Variants in ECE1 observed in about 807,000 individuals in gnomAD.
ECE1 encodes endothelin-converting enzyme 1.
A neutral mutation model predicts 98.6 loss-of-function variants in ECE1; 35 were observed. That is an observed-to-expected ratio of 0.35 (90% CI 0.27 to 0.47). The LOEUF is 0.47. ECE1 is among the 20% of genes least tolerant of loss of function. The probability of loss-of-function intolerance (pLI) is 1.00; values close to 1 mark genes in which losing one functional copy is unlikely to be tolerated. For synonymous variants in ECE1, 394 were observed against 407.1 expected (o/e 0.97, Z 0.39); for missense variants, 814 against 1,025.3 (o/e 0.79, Z 2.81).
At chr1:21,247,990 T>A (rs1294389270) in intron 8 of ECE1, among the ~76,000 whole-genome samples, 1 of 152,210 alleles carries the variant, frequency 6.6e-6, no homozygotes, top group Non-Finnish European at 1.5e-5. Flanking sequence ...ATTCTGTAAG[T>A]AACATCAGTG....
Position 21,319,806 on chromosome 1 carries a change from C to G in ECE1, c.3+25570G>C, listed in dbSNP as rs1253654483. Among the ~76,000 whole-genome samples, 2 of 152,180 alleles carry G rather than the reference C, an allele frequency of 1.3e-5. No homozygotes were observed. Among genetic ancestry groups the G allele is most frequent in the Admixed American group, 6.5e-5 (1 of 15,274 alleles). ...GGTGTTTACATTAGTTCAGCTGAGA[C>G]AGGCTGAACAAACACACGCGGTCCC... is the stretch of plus-strand genomic sequence containing the variant. On this transcript the variant is annotated intron_variant, in intron 1 of 18. Coordinates refer to the ECE1 transcript ENST00000415912. This position sits in a 1 kb window ranked among gnomAD's most constrained non-coding sequence, Gnocchi z 4.4.
chr1:21,268,909 T>C (rs1490710562), intron 4 of ECE1, among the ~76,000 whole-genome samples: 1 of 152,226 alleles, frequency 6.6e-6, no homozygotes, highest in Non-Finnish European at 1.5e-5. Flanking sequence ...AGGGGCCATT[T>C]CCAGACTAGT....
rs1395379365 is a variant in ECE1 at position 21,219,993 on chromosome 1, A to C, written c.2275T>G (p.Ser759Ala). ...CACTTGTGAGGCGGGTTCATGGGTG[A>C]GCCAGGTGGGCAGCGGAAGTGTTCT... ...FSEHFRCPPG[S>A]PMNPPHKCEV... is the part of the protein sequence containing the mutation. Residue 759 changes from serine to alanine, a missense_variant, in exon 19 of 19, where the codon TCA becomes GCA. Coordinates refer to ENST00000374893, the MANE Select transcript of ECE1 (RefSeq NM_001397.3). The surrounding 1 kb of genome is among the most constrained non-coding windows in gnomAD (Gnocchi z 4.5). The C allele has an allele frequency of 6.2e-7, 1 of 1,614,206 alleles. No individual in the cohort carries two copies. The highest frequency in any genetic ancestry group is 8.5e-7 in the Non-Finnish European group (1 of 1,180,040).
chr1:21,232,735 G>A (rs568577742), intron 14 of ECE1, among the ~76,000 whole-genome samples: 3 of 150,060 alleles, frequency 2.0e-5, no homozygotes, highest in South Asian at 2.1e-4. Flanking sequence ...GCAGTGGCAC[G>A]ATCTCGGCTC....
chr1:21,342,663 C>T (rs917750857), intron 1 of ECE1, among the ~76,000 whole-genome samples: 3 of 151,678 alleles, frequency 2.0e-5, no homozygotes, highest in Non-Finnish European at 2.9e-5. Flanking sequence ...GCAAACGCGC[C>T]GCATTAGGAA....
chr1:21,273,053 C>A, intron 3 of ECE1, 142 bp from the exon 4 acceptor site: 5 of 828,268 alleles, frequency 6.0e-6, no homozygotes. Flanking sequence ...GGTCACTAGA[C>A]CCCTACAGAG....
intron 10 of ECE1, among the ~76,000 whole-genome samples, chr1:21,243,246 A>G (rs1170769291): frequency 1.3e-5 from 2 of 152,220 alleles, no homozygotes; most frequent in African/African-American, 4.8e-5. Flanking sequence ...CATAATGCCT[A>G]TAAAAGGTAG....
chr1:21,243,538 G>A (rs550574938), intron 10 of ECE1, among the ~76,000 whole-genome samples: 7 of 152,088 alleles, frequency 4.6e-5, no homozygotes, highest in African/African-American at 1.7e-4. Flanking sequence ...TTCTTGCTGG[G>A]TGACTATGAA....
intron 4 of ECE1, among the ~76,000 whole-genome samples, chr1:21,267,777 A>G (rs2098235756): frequency 6.6e-6 from 1 of 152,236 alleles, no homozygotes; most frequent in East Asian, 1.9e-4. Context: ...CTGTCCATAG[A>G]TGGCTTCCTT....
rs900764527 is a variant in ECE1, at chr1:21,319,727, G to A, written c.3+25649C>T. Among the ~76,000 whole-genome samples, 12 of 152,154 alleles carry A rather than the reference G, an allele frequency of 7.9e-5. No homozygotes were observed. Among genetic ancestry groups the A allele is most frequent in the African/African-American group, 2.4e-4 (10 of 41,440 alleles). On this transcript the variant is annotated intron_variant, in intron 1 of 18. Coordinates refer to the ECE1 transcript ENST00000415912. The surrounding 1 kb of genome is among the most constrained non-coding windows in gnomAD (Gnocchi z 4.4). ...CTCCCTACCAGGCACCGGGAGGCAC[G>A]GCTCACTGTTCCCTAGTTTGTCTTG...
Position 21,225,614 on chromosome 1 carries a change from A to T in ECE1, c.1850-174T>A, listed in dbSNP as rs1365324815. Among the ~76,000 whole-genome samples the T allele has an allele frequency of 6.6e-6, 1 of 151,688 alleles. No individual in the cohort carries two copies. The highest frequency in any genetic ancestry group is 1.5e-5 in the Non-Finnish European group (1 of 67,980). On this transcript the variant is annotated intron_variant, in intron 16 of 18. Coordinates refer to ENST00000374893, the MANE Select transcript of ECE1 (RefSeq NM_001397.3). The surrounding 1 kb of genome is among the most constrained non-coding windows in gnomAD (Gnocchi z 5.3). ...GGACGTGGATGTGGTGGCCAGTCAG[A>T]GGCGGGAGAGGATGAAGGAGAGAAA...
At chr1:21,256,269 C>T (rs935476379) in intron 7 of ECE1, 131 bp from the exon 8 acceptor site, 9 of 1,063,838 alleles carry the variant, frequency 8.5e-6, no homozygotes, top group South Asian at 3.3e-5. Context: ...CCAAGACACC[C>T]GTGGGGCCAG....
chr1:21,235,074 T>TG lies in ECE1; in HGVS notation c.1566+775dup, dbSNP rs2098186346. 1.3e-5 allele frequency among the ~76,000 whole-genome samples: 2 copies of TG among 152,142 alleles called. No individual in the cohort carries two copies. Among genetic ancestry groups the TG allele is most frequent in the African/African-American group, 4.8e-5 (2 of 41,426 alleles). On this transcript the variant is annotated intron_variant, in intron 13 of 18. Coordinates refer to ENST00000374893, the MANE Select transcript of ECE1 (RefSeq NM_001397.3). The surrounding 1 kb of genome is among the most constrained non-coding windows in gnomAD (Gnocchi z 4.2). ...GGTGGCTCATGAATATGAGCCAGCC[T>TG]GGGAGGCGGAGGTTGCAGTGAGCTG...
chr1:21,239,209 C>T (rs576740672), intron 10 of ECE1, among the ~76,000 whole-genome samples: 2 of 152,312 alleles, frequency 1.3e-5, no homozygotes, highest in Admixed American at 1.3e-4. Flanking sequence ...CCCCTCTGTG[C>T]AAACCGGAAA....
At chr1:21,273,338 CGTGTGTGCGTGTGTGTGT>C (rs138627128) in intron 3 of ECE1, among the ~76,000 whole-genome samples, 17,306 of 122,278 alleles carry the variant, frequency 0.14, 1,278 homozygotes, top group African/African-American at 0.25. Context: ...TGTGCCCGTG[CGTGTGTGCGTGTGTGTGT>C]GTGTGTGTGT....
Position 21,235,198 on chromosome 1 carries a change from G to T in ECE1, c.1566+652C>A, listed in dbSNP as rs1174642631. Among the ~76,000 whole-genome samples the T allele has an allele frequency of 6.6e-6, 1 of 152,138 alleles. No individual in the cohort carries two copies. Among genetic ancestry groups the T allele is most frequent in the East Asian group, 1.9e-4 (1 of 5,188 alleles). On this transcript the variant is annotated intron_variant, in intron 13 of 18. Coordinates refer to ENST00000374893, the MANE Select transcript of ECE1 (RefSeq NM_001397.3). This position sits in a 1 kb window ranked among gnomAD's most constrained non-coding sequence, Gnocchi z 4.2. Reference sequence around the variant, plus strand: ...CTGAATTCAAGTATTTCAATCACAAGAAGATATAAAACTTCATAATTTGAG... The same window carrying T: ...CTGAATTCAAGTATTTCAATCACAATAAGATATAAAACTTCATAATTTGAG...
intron 4 of ECE1, chr1:21,266,414 G>C (rs904288503): frequency 9.9e-5 from 15 of 152,256 alleles, no homozygotes; most frequent in African/African-American, 3.6e-4. Context: ...TCCTGTGCTG[G>C]GGGGAAGGGG....
At chr1:21,281,570 G>A (rs547585151) in intron 2 of ECE1, among the ~76,000 whole-genome samples, 1 of 152,338 alleles carries the variant, frequency 6.6e-6, no homozygotes, top group East Asian at 1.9e-4. Flanking sequence ...CTTGCCTAGG[G>A]ACACTGACGT....
intron 1 of ECE1, among the ~76,000 whole-genome samples, chr1:21,326,040 G>T (rs1212366778): frequency 6.6e-6 from 1 of 152,164 alleles, no homozygotes; most frequent in Non-Finnish European, 1.5e-5. Flanking sequence ...TCCTAAAATG[G>T]CCTCACCTGG....
Sources: gnomAD v4.1 joint callset for allele counts (sites outside exome capture counted in the v4.1 genomes callset) on GRCh38, gnomAD v4.1.1 for gene constraint, Gnocchi (gnomAD v3.1) non-coding constraint, MANE v1.5 for transcripts, NCBI Gene and HGNC (gene_info 2026-07-23, HGNC 2026-07-21) for gene names.